SIPA1L1: variants seen among roughly 807,000 people sequenced by gnomAD.
SIPA1L1 encodes signal-induced proliferation-associated 1-like protein 1.
SIPA1L1 carries 26 observed loss-of-function variants against 162.7 expected under a neutral mutation model. The observed-to-expected ratio is 0.16, with a 90% CI of 0.12 to 0.22. The LOEUF (loss-of-function observed/expected upper bound fraction) is 0.22. SIPA1L1 is among the 10% of genes least tolerant of loss of function. SIPA1L1 has a pLI of 1.00. For synonymous variants in SIPA1L1, 829 were observed against 837.4 expected, an observed-to-expected ratio of 0.99 and a Z score of 0.17; for missense variants, 1,874 against 2,241.0, an observed-to-expected ratio of 0.84 and a Z score of 3.31.
intron 17 of SIPA1L1, 122 bp downstream of exon 17, chr14:71,709,786 A>C: frequency 1.4e-6 from 1 of 739,770 alleles, no homozygotes. Flanking sequence ...AGTGACAATT[A>C]TTTTTATATG....
chr14:71,482,164 G>A (rs1336027970), intron 2 of SIPA1L1, among the ~76,000 whole-genome samples: 1 of 152,160 alleles, frequency 6.6e-6, no homozygotes, highest in Non-Finnish European at 1.5e-5. Flanking sequence ...GGAGAACCCT[G>A]GGAAGCTGGT....
chr14:71,703,537 C>G (rs2082236404), intron 15 of SIPA1L1, among the ~76,000 whole-genome samples: 1 of 152,206 alleles, frequency 6.6e-6, no homozygotes, highest in Non-Finnish European at 1.5e-5. Flanking sequence ...TTGAAGCCAT[C>G]TGTCATTCTC....
chr14:71,426,498 T>C (rs2043575371), intron 2 of SIPA1L1, among the ~76,000 whole-genome samples: 1 of 148,070 alleles, frequency 6.8e-6, no homozygotes, highest in Non-Finnish European at 1.5e-5. Flanking sequence ...TTTTTTTTTT[T>C]TTTTCCCAAA....
intron 4 of SIPA1L1, among the ~76,000 whole-genome samples, chr14:71,530,923 A>G (rs1319506369): frequency 3.3e-5 from 5 of 152,212 alleles, no homozygotes; most frequent in Non-Finnish European, 7.3e-5. Flanking sequence ...GAGGCTATAA[A>G]TCTGTTCTTA....
At chr14:71,345,433 C>G (rs945858986) in intron 2 of SIPA1L1, among the ~76,000 whole-genome samples, 1 of 152,134 alleles carries the variant, frequency 6.6e-6, no homozygotes, top group Admixed American at 6.6e-5. Flanking sequence ...CAGAAAGTTA[C>G]AGCTCAGTTT....
intron 2 of SIPA1L1, among the ~76,000 whole-genome samples, chr14:71,438,155 A>C (rs2044547558): frequency 6.6e-6 from 1 of 152,210 alleles, no homozygotes; most frequent in Non-Finnish European, 1.5e-5. Context: ...AAAACAAAAC[A>C]AAACAAAACA....
At chr14:71,491,448 A>G (rs2049242213) in intron 2 of SIPA1L1, among the ~76,000 whole-genome samples, 1 of 152,178 alleles carries the variant, frequency 6.6e-6, no homozygotes, top group Non-Finnish European at 1.5e-5. Context: ...GAGAAATGAA[A>G]CAAATATGGA....
At chr14:71,622,441 A>C (rs2039547886) in intron 6 of SIPA1L1, among the ~76,000 whole-genome samples, 1 of 152,158 alleles carries the variant, frequency 6.6e-6, no homozygotes, top group African/African-American at 2.4e-5. Flanking sequence ...TTTGGCTTTC[A>C]TGAGTTAGCT....
intron 2 of SIPA1L1, among the ~76,000 whole-genome samples, chr14:71,355,037 T>A (rs774834712): frequency 6.6e-6 from 1 of 152,206 alleles, no homozygotes; most frequent in Non-Finnish European, 1.5e-5. Flanking sequence ...AGCATTGAGA[T>A]GCACTGAATC....
intron 7 of SIPA1L1, among the ~76,000 whole-genome samples, chr14:71,644,442 G>C (rs1405835300): frequency 6.6e-6 from 1 of 151,598 alleles, no homozygotes; most frequent in Non-Finnish European, 1.5e-5. Flanking sequence ...TCACTGTGTT[G>C]CTCTGGCTGG....
At chr14:71,634,122 T>C (rs1437554081) in intron 7 of SIPA1L1, among the ~76,000 whole-genome samples, 1 of 151,486 alleles carries the variant, frequency 6.6e-6, no homozygotes, top group East Asian at 1.9e-4. Context: ...GAAGAACGGC[T>C]GGGCACGGTG....
chr14:71,673,027 T>C (rs999605415), intron 12 of SIPA1L1, among the ~76,000 whole-genome samples: 47 of 152,246 alleles, frequency 3.1e-4, no homozygotes, highest in Non-Finnish European at 4.9e-4. Context: ...CTCTTCTCTC[T>C]CCTAATTGCT....
intron 4 of SIPA1L1, among the ~76,000 whole-genome samples, chr14:71,543,750 A>T: frequency 6.8e-6 from 1 of 147,146 alleles, no homozygotes; most frequent in African/African-American, 2.5e-5. Flanking sequence ...TGTTTTTCTA[A>T]ATTATCTTCG....
intron 5 of SIPA1L1, among the ~76,000 whole-genome samples, chr14:71,603,036 G>C (rs1485000653): frequency 6.6e-6 from 1 of 152,108 alleles, no homozygotes; most frequent in Non-Finnish European, 1.5e-5. Flanking sequence ...TGGGTGCTCT[G>C]GTGGTGAGTG....
At chr14:71,693,320 G>A (rs1403207289) in intron 13 of SIPA1L1, among the ~76,000 whole-genome samples, 1 of 152,156 alleles carries the variant, frequency 6.6e-6, no homozygotes, top group Non-Finnish European at 1.5e-5. Context: ...GGCCAACATG[G>A]CGAAAGCCTG....
intron 2 of SIPA1L1, among the ~76,000 whole-genome samples, chr14:71,484,137 T>G (rs2048564807): frequency 6.6e-6 from 1 of 152,192 alleles, no homozygotes; most frequent in Non-Finnish European, 1.5e-5. Flanking sequence ...CTTGAATAAA[T>G]GGTGGAGTTG....
chr14:71,618,394 A>C (rs2039063462), intron 5 of SIPA1L1, among the ~76,000 whole-genome samples: 1 of 152,252 alleles, frequency 6.6e-6, no homozygotes. Flanking sequence ...TTTGAAAAAC[A>C]AAAACTAAAA....
In SIPA1L1 at chr14:71,563,966, T is replaced by A. The variant is rs185436536; in HGVS notation, c.-302-23605T>A. ...TTTTCTCATTTTCCTTTTTTATTTT[T>A]AAAAAACTGGAGTCTCACTCTGTTA... is the stretch of plus-strand genomic sequence containing the variant. On this transcript the variant is annotated intron_variant, in intron 4 of 23. Coordinates refer to ENST00000381232, the MANE Select transcript of SIPA1L1 (RefSeq NM_001386936.1). 7.1e-3 allele frequency among the ~76,000 whole-genome samples: 1,077 copies of A among 152,296 alleles called. 6 individuals are homozygous for A. The highest frequency in any genetic ancestry group is 0.012 in the Non-Finnish European group (821 of 68,024).
At chr14:71,681,717 A>G (rs1446273865) in intron 12 of SIPA1L1, among the ~76,000 whole-genome samples, 2 of 152,162 alleles carry the variant, frequency 1.3e-5, no homozygotes, top group Non-Finnish European at 2.9e-5. Context: ...CAAACATAAA[A>G]CTTTTCTGAC....
Sources: gnomAD v4.1 joint callset for allele counts (sites outside exome capture counted in the v4.1 genomes callset) on GRCh38, gnomAD v4.1.1 for gene constraint, MANE v1.5 for transcripts, NCBI Gene and HGNC (gene_info 2026-07-23, HGNC 2026-07-21) for gene names.